The following CELF1 variants were observed in gnomAD, a reference collection of about 807,000 sequenced individuals.
CELF1 encodes 50 kDa nuclear polyadenylated RNA-binding protein.
In CELF1, 10 loss-of-function variants were observed where a neutral mutation model predicts 61.8. That is an observed-to-expected ratio of 0.16 (90% CI 0.10 to 0.27). The LOEUF is 0.27. Ranked by LOEUF, CELF1 falls within the 10% of genes least tolerant of loss-of-function variation. The pLI, the probability that CELF1 is intolerant of heterozygous loss-of-function variation, is 1.00. For missense variants in CELF1, 380 were observed against 639.1 expected (o/e 0.59, Z 4.37); for synonymous variants, 236 against 225.1 (o/e 1.05, Z -0.43).
chr11:47,477,007 G>C (rs771574805), intron 11 of CELF1, 48 bp from the exon 12 acceptor site: 1 of 1,462,614 alleles, frequency 6.8e-7, no homozygotes, highest in South Asian at 1.1e-5. Context: ...TGGCATTCTC[G>C]CCAAATACAA....
intron 1 of CELF1, among the ~76,000 whole-genome samples, chr11:47,531,556 G>C (rs1048131285): frequency 3.4e-5 from 4 of 119,210 alleles, no homozygotes; most frequent in African/African-American, 1.3e-4. Context: ...GCAACAGAGC[G>C]AGACTCCATC....
chr11:47,549,817 T>C (rs2097090382), intron 1 of CELF1, among the ~76,000 whole-genome samples: 1 of 134,702 alleles, frequency 7.4e-6, no homozygotes, highest in Non-Finnish European at 1.7e-5. Context: ...GTGGGTTTTT[T>C]TTGTTTTTTT....
At chr11:47,496,027 G>A (rs2093025953) in intron 3 of CELF1, 1 of 984,758 alleles carries the variant, frequency 1.0e-6, no homozygotes. Flanking sequence ...AGGTCCCTCT[G>A]GCTCACATAC....
intron 6 of CELF1, among the ~76,000 whole-genome samples, chr11:47,485,935 G>A (rs2086630823): frequency 6.8e-6 from 1 of 147,740 alleles, no homozygotes; most frequent in South Asian, 2.2e-4. Flanking sequence ...GCCGAGGCGG[G>A]CGGATCACAA....
chr11:47,535,692 A>AT (rs201213463), intron 1 of CELF1, among the ~76,000 whole-genome samples: 5,406 of 151,094 alleles, frequency 0.036, 100 homozygotes, highest in Middle Eastern at 0.065. Context: ...AAAAAAAAAA[A>AT]AAATAAATCA....
At chr11:47,548,865 CA>C (rs35634201) in intron 1 of CELF1, among the ~76,000 whole-genome samples, 5,623 of 83,574 alleles carry the variant, frequency 0.067, 290 homozygotes, top group African/African-American at 0.22. Context: ...GACTCCATCT[CA>C]AAAAAAAAAA....
At chr11:47,551,282 T>A (rs1386159861) in intron 1 of CELF1, among the ~76,000 whole-genome samples, 1 of 152,106 alleles carries the variant, frequency 6.6e-6, no homozygotes, top group Admixed American at 6.6e-5. Flanking sequence ...AGGCCATTCT[T>A]AATGGAAACA....
intron 2 of CELF1, among the ~76,000 whole-genome samples, chr11:47,561,458 A>AG (rs2097225247): frequency 6.6e-6 from 1 of 151,320 alleles, no homozygotes; most frequent in South Asian, 2.1e-4. Flanking sequence ...AAAAAAAAAA[A>AG]AAAAAAAGTT....
chr11:47,477,150 C>A (rs2080608255), intron 11 of CELF1, 147 bp downstream of exon 11: 1 of 972,134 alleles, frequency 1.0e-6, no homozygotes, highest in Non-Finnish European at 1.5e-6. Flanking sequence ...CTCTTAAGTA[C>A]AAAAGATGAC....
intron 3 of CELF1, 23 bp from the exon 4 acceptor site, chr11:47,489,047 T>C: frequency 6.6e-7 from 1 of 1,505,742 alleles, no homozygotes; most frequent in Non-Finnish European, 8.8e-7. Context: ...AAATGAAACT[T>C]CTATTATGTA....
At chr11:47,477,233 G>A in intron 11 of CELF1, 64 bp downstream of exon 11, 1 of 1,578,272 alleles carries the variant, frequency 6.3e-7, no homozygotes, top group Non-Finnish European at 8.7e-7. Flanking sequence ...TCTGGACTCT[G>A]CCTTTAAACA....
rs2085383285 is a variant in CELF1 at position 47,484,448 on chromosome 11, G to C, written c.467C>G (p.Ser156Cys). The change falls in exon 7 of 15, where the codon TCT (serine) becomes TGT (cysteine). Residue 156 changes from serine to cysteine, a missense_variant. Transcript: ENST00000687097. ...CTENDIRVMF[S>C]SFGQIEECRI... is the part of the protein sequence containing the mutation. ...GCATTCTTCAATCTGTCCAAACGAA[G>C]AGAACATGACTCGGATGTCATTTTC... The C allele has an allele frequency of 1.2e-6, 2 of 1,613,880 alleles. No individual in the cohort carries two copies. The highest frequency in any genetic ancestry group is 1.7e-6 in the Non-Finnish European group (2 of 1,179,916).
At chr11:47,484,665 T>C (rs1220068083) in intron 6 of CELF1, 142 bp from the exon 7 acceptor site, 1 of 662,548 alleles carries the variant, frequency 1.5e-6, no homozygotes, top group Non-Finnish European at 2.5e-6. Flanking sequence ...TTGTTTTTTG[T>C]ATTTTTCACA....
At chr11:47,561,764 T>C (rs1323341611) in intron 2 of CELF1, among the ~76,000 whole-genome samples, 1 of 152,136 alleles carries the variant, frequency 6.6e-6, no homozygotes, top group Non-Finnish European at 1.5e-5. Flanking sequence ...TGGAAACAAC[T>C]CAAATGTTCA....
intron 3 of CELF1, among the ~76,000 whole-genome samples, chr11:47,498,029 T>A (rs989081035): frequency 6.6e-6 from 1 of 152,240 alleles, no homozygotes; most frequent in Non-Finnish European, 1.5e-5. Flanking sequence ...TATCATGATA[T>A]TCACTTTAAT....
At chr11:47,512,637 G>C (rs952714187) in intron 1 of CELF1, among the ~76,000 whole-genome samples, 1 of 151,992 alleles carries the variant, frequency 6.6e-6, no homozygotes, top group Admixed American at 6.6e-5. Context: ...TCCGCACCCT[G>C]CCCAAACTTT....
chr11:47,487,976 A>G (rs1036922019), intron 4 of CELF1, among the ~76,000 whole-genome samples: 2 of 152,196 alleles, frequency 1.3e-5, no homozygotes, highest in South Asian at 4.1e-4. Flanking sequence ...AGCAGTTAGA[A>G]CTACAAATTA....
In CELF1 at chr11:47,549,153, C is replaced by T. The variant is rs188728561; in HGVS notation, c.-154+3839G>A. Among the ~76,000 whole-genome samples the T allele has an allele frequency of 3.1e-3, 475 of 152,250 alleles. 3 individuals carry two copies. The highest frequency in any genetic ancestry group is 3.5e-3 in the Non-Finnish European group (236 of 68,030). The stretch of plus-strand genomic sequence containing the variant: ...GAGAAACTGGAACCCTTGTGTACTA[C>T]TGGCAAGACTGTAAAATGGTGCAAC... On this transcript the variant is annotated intron_variant, in intron 1 of 14. Coordinates refer to ENST00000687097, the MANE Select transcript of CELF1 (RefSeq NM_001376376.1).
intron 1 of CELF1, among the ~76,000 whole-genome samples, chr11:47,544,899 T>C (rs2096894391): frequency 6.6e-6 from 1 of 151,776 alleles, no homozygotes; most frequent in African/African-American, 2.4e-5. Context: ...GAGGTGGAGG[T>C]TGCAGTGAGC....
Sources: gnomAD v4.1 joint callset for allele counts (sites outside exome capture counted in the v4.1 genomes callset) on GRCh38, gnomAD v4.1.1 for gene constraint, MANE v1.5 for transcripts, NCBI Gene and HGNC (gene_info 2026-07-23, HGNC 2026-07-21) for gene names.